RFX2: variants seen among roughly 807,000 people sequenced by gnomAD.
The protein encoded by RFX2 is DNA-binding protein RFX2.
A neutral mutation model predicts 87.8 loss-of-function variants in RFX2; 20 were observed. The observed-to-expected ratio is 0.23, with a 90% CI of 0.16 to 0.33. The LOEUF is 0.33. RFX2 is among the 10% of genes least tolerant of loss of function. RFX2 has a pLI of 1.00. For synonymous variants in RFX2, 397 were observed against 431.3 expected (o/e 0.92, Z 0.98); for missense variants, 767 against 1,012.3 (o/e 0.76, Z 3.29).
At chr19:6,060,501 T>A (rs2087412177) in intron 1 of RFX2, among the ~76,000 whole-genome samples, 1 of 152,186 alleles carries the variant, frequency 6.6e-6, no homozygotes, top group African/African-American at 2.4e-5. Context: ...GAGGAGAACA[T>A]CCACTGCCAC....
chr19:6,043,224 T>C (rs1377562124), intron 3 of RFX2, among the ~76,000 whole-genome samples: 2 of 152,192 alleles, frequency 1.3e-5, no homozygotes, highest in Non-Finnish European at 2.9e-5. Flanking sequence ...CTCCTCTCCT[T>C]GGTGTCTCTG....
chr19:6,084,153 A>C (rs940698398), intron 1 of RFX2, among the ~76,000 whole-genome samples: 6 of 152,158 alleles, frequency 3.9e-5, no homozygotes, highest in African/African-American at 1.4e-4. Context: ...AGCGCATGGA[A>C]ACTAAATGAG....
At position 6,040,841 on chromosome 19, in the gene RFX2, G is replaced by A. The variant is rs749085385; in HGVS notation, c.261-600C>T. On this transcript the variant is annotated intron_variant, in intron 4 of 17. Transcript: ENST00000303657. The surrounding 1 kb of genome is among the most constrained non-coding windows in gnomAD (Gnocchi z 6.1). ...GAGGGAGCTCCTGTGTGGAGATGGAGCAGTTCTGTATCTTGATGGTGGTAT... is the reference window on the plus strand; with the variant it reads ...GAGGGAGCTCCTGTGTGGAGATGGAACAGTTCTGTATCTTGATGGTGGTAT... Among the ~76,000 whole-genome samples the A allele has an allele frequency of 2.0e-5, 3 of 152,198 alleles. No homozygotes were observed. Among genetic ancestry groups the A allele is most frequent in the Non-Finnish European group, 4.4e-5 (3 of 68,046 alleles).
chr19:6,008,026 A>T (rs1049031706), intron 10 of RFX2, 80 bp downstream of exon 10: 28 of 1,081,548 alleles, frequency 2.6e-5, no homozygotes, highest in Non-Finnish European at 3.9e-5. Context: ...CCTCAGCGTC[A>T]CCCGGGGACG....
At position 6,007,946 on chromosome 19, in the gene RFX2, C is replaced by T. The variant is rs989744711; in HGVS notation, c.1135-144G>A. 2.0e-5 allele frequency: 16 copies of T among 783,204 alleles called. No homozygotes were observed. Among genetic ancestry groups the T allele is most frequent in the East Asian group, 8.0e-5 (3 of 37,276 alleles). 48.5% of individuals were successfully genotyped at this position (783,204 alleles called of 1,614,324 possible). A position where few individuals can be genotyped will look rare whatever the true frequency, so the allele number is the denominator to read the frequency against. ...AGGCCACAGAGAGGAGAGGAGCAGGCGATGGACATGGATGCGGAGGGGCTG... is the reference window on the plus strand; with the variant it reads ...AGGCCACAGAGAGGAGAGGAGCAGGTGATGGACATGGATGCGGAGGGGCTG... On this transcript the variant is annotated intron_variant, in intron 10 of 17. Transcript: ENST00000303657. This position sits in a 1 kb window ranked among gnomAD's most constrained non-coding sequence, Gnocchi z 8.2.
chr19:6,080,377 G>A (rs555153598), intron 1 of RFX2, among the ~76,000 whole-genome samples: 16 of 152,240 alleles, frequency 1.1e-4, no homozygotes, highest in South Asian at 4.1e-4. Flanking sequence ...CGTGAGCCAC[G>A]ACACCCAGCC....
intron 1 of RFX2, among the ~76,000 whole-genome samples, chr19:6,100,553 G>A (rs1259950716): frequency 6.6e-6 from 1 of 152,154 alleles, no homozygotes; most frequent in Non-Finnish European, 1.5e-5. Flanking sequence ...CTTCCAGTAA[G>A]AAGGACCAAG....
At chr19:6,035,726 T>C (rs1375746071) in intron 5 of RFX2, among the ~76,000 whole-genome samples, 1 of 152,166 alleles carries the variant, frequency 6.6e-6, no homozygotes, top group Non-Finnish European at 1.5e-5. Flanking sequence ...AAGTCTCGAA[T>C]TTCTGTGGCA....
intron 1 of RFX2, among the ~76,000 whole-genome samples, chr19:6,107,429 C>T (rs946005211): frequency 5.3e-5 from 8 of 151,320 alleles, no homozygotes; most frequent in Non-Finnish European, 1.2e-4. Context: ...CTAGCCTGGC[C>T]AACATAGTGA....
At chr19:6,077,307 A>G (rs934380186) in intron 1 of RFX2, among the ~76,000 whole-genome samples, 1 of 152,190 alleles carries the variant, frequency 6.6e-6, no homozygotes, top group African/African-American at 2.4e-5. Flanking sequence ...TGCTGGGTCA[A>G]AGACAGGCAA....
intron 1 of RFX2, among the ~76,000 whole-genome samples, chr19:6,107,095 A>T (rs2088228386): frequency 6.6e-6 from 1 of 151,606 alleles, no homozygotes; most frequent in Non-Finnish European, 1.5e-5. Flanking sequence ...GGAGATCGAG[A>T]CCATCCTGGC....
In RFX2 at chr19:6,039,887, G is replaced by T; in HGVS notation, c.522+93C>A. 7.1e-7 allele frequency: 1 copy of T among 1,401,642 alleles called. No individual in the cohort carries two copies. The highest frequency in any genetic ancestry group is 9.5e-7 in the Non-Finnish European group (1 of 1,054,374). The allele number at this position is 1,401,642 out of a possible 1,614,324, so 86.8% of individuals were successfully genotyped here. On this transcript the variant is annotated intron_variant, in intron 5 of 17. Transcript: ENST00000303657. This position sits in a 1 kb window ranked among gnomAD's most constrained non-coding sequence, Gnocchi z 5.2. ...CCCAGAGCAGACGACAGCCCCTCCG[G>T]GCCTCCGGCTGCCTCTTACTCACCA...
At position 6,056,337 on chromosome 19, in the gene RFX2, A is replaced by G. The variant is rs1599888191; in HGVS notation, c.-8-8833T>C. Among the ~76,000 whole-genome samples the G allele has an allele frequency of 6.6e-6, 1 of 152,260 alleles. No individual in the cohort carries two copies. Among genetic ancestry groups the G allele is most frequent in the African/African-American group, 2.4e-5 (1 of 41,548 alleles). ...ATTGCATTGTGTATTTACTTTGTGGATGTTTGAAATTTCCATGATAAGGAG... is the reference window on the plus strand; with the variant it reads ...ATTGCATTGTGTATTTACTTTGTGGGTGTTTGAAATTTCCATGATAAGGAG... On this transcript the variant is annotated intron_variant, in intron 1 of 17. Coordinates refer to ENST00000303657, the MANE Select transcript of RFX2 (RefSeq NM_000635.4). The surrounding 1 kb of genome is among the most constrained non-coding windows in gnomAD (Gnocchi z 4.6).
Position 6,016,877 on chromosome 19 carries a change from C to T in RFX2, c.598-606G>A, listed in dbSNP as rs764276065. 6.6e-6 allele frequency among the ~76,000 whole-genome samples: 1 copy of T among 152,158 alleles called. No homozygotes were observed. Among genetic ancestry groups the T allele is most frequent in the East Asian group, 1.9e-4 (1 of 5,200 alleles). On this transcript the variant is annotated intron_variant, in intron 6 of 17. Coordinates refer to ENST00000303657, the MANE Select transcript of RFX2 (RefSeq NM_000635.4). This position sits in a 1 kb window ranked among gnomAD's most constrained non-coding sequence, Gnocchi z 5.4. ...TTCAGTCCCTTAAATGAAATACCCA[C>T]ACACCACACAGGCTTTAACACCAAA...
At chr19:6,067,742 G>A (rs796347810) in intron 1 of RFX2, among the ~76,000 whole-genome samples, 11 of 152,302 alleles carry the variant, frequency 7.2e-5, no homozygotes, top group African/African-American at 2.4e-4. Context: ...GCCCAGCCAA[G>A]GATCTTAAAA....
At position 6,063,354 on chromosome 19, in the gene RFX2, T is replaced by C. The variant is rs1392573517; in HGVS notation, c.-8-15850A>G. On this transcript the variant is annotated intron_variant, in intron 1 of 17. Coordinates refer to ENST00000303657, the MANE Select transcript of RFX2 (RefSeq NM_000635.4). This position sits in a 1 kb window ranked among gnomAD's most constrained non-coding sequence, Gnocchi z 4.0. ...TCTGCAGAATCGAGGGAGGCCAGCA[T>C]GGCACACAGCGGTCCAGACTCGCAG... Among the ~76,000 whole-genome samples the C allele has an allele frequency of 1.3e-5, 2 of 152,200 alleles. No homozygotes were observed. Among genetic ancestry groups the C allele is most frequent in the Admixed American group, 1.3e-4 (2 of 15,280 alleles).
chr19:6,103,148 A>T (rs1423555921), intron 1 of RFX2, among the ~76,000 whole-genome samples: 1 of 152,220 alleles, frequency 6.6e-6, no homozygotes, highest in Admixed American at 6.5e-5. Context: ...TAAGTTCTAC[A>T]TATTTTTAAT....
intron 1 of RFX2, among the ~76,000 whole-genome samples, chr19:6,105,166 C>T (rs1039367424): frequency 5.3e-5 from 8 of 151,502 alleles, no homozygotes; most frequent in Middle Eastern, 6.9e-3. Context: ...CCTGCCCTTA[C>T]TGAGCTGACA....
chr19:6,046,605 CTTTTTTTTT>C (rs55854937), intron 2 of RFX2, among the ~76,000 whole-genome samples: 1,502 of 90,578 alleles, frequency 0.017, 15 homozygotes, highest in African/African-American at 0.055. Context: ...GCCTTTTTGC[CTTTTTTTTT>C]TTTTTTTTTT....
Sources: allele counts gnomAD v4.1 joint callset (sites outside exome capture counted in the v4.1 genomes callset), GRCh38; gene constraint gnomAD v4.1.1; non-coding constraint Gnocchi (gnomAD v3.1); transcripts MANE v1.5; gene names NCBI Gene and HGNC (gene_info 2026-07-23, HGNC 2026-07-21).